SNTG1: variants seen among roughly 807,000 people sequenced by gnomAD.
The protein encoded by SNTG1 is syntrophin gamma 1, also known as gamma-1-syntrophin.
A neutral mutation model predicts 74.7 loss-of-function variants in SNTG1; 39 were observed. The ratio of observed to expected loss-of-function variants is 0.52; its 90% CI spans 0.40 to 0.68. The LOEUF (loss-of-function observed/expected upper bound fraction) is 0.68. SNTG1 is among the 30% of genes least tolerant of loss of function. The probability of loss-of-function intolerance (pLI) is 0.00; values close to 1 mark genes in which losing one functional copy is unlikely to be tolerated. For missense variants in SNTG1, 685 were observed against 609.5 expected (o/e 1.12, Z -1.30); for synonymous variants, 254 against 217.1 (o/e 1.17, Z -1.49).
intron 11 of SNTG1, among the ~76,000 whole-genome samples, chr8:50,547,565 A>G (rs2094397073): frequency 6.6e-6 from 1 of 152,096 alleles, no homozygotes; most frequent in South Asian, 2.1e-4. Flanking sequence ...AGTTTATTAT[A>G]ACACACTTAT....
chr8:49,977,787 G>C (rs919316302), intron 1 of SNTG1, among the ~76,000 whole-genome samples: 1 of 152,176 alleles, frequency 6.6e-6, no homozygotes, highest in Admixed American at 6.5e-5. Context: ...ATGGAAAGGC[G>C]AAGGCTTCAT....
At chr8:50,450,805 A>G (rs571689465) in intron 8 of SNTG1, 76 bp downstream of exon 8, 12 of 1,387,192 alleles carry the variant, frequency 8.7e-6, no homozygotes, top group Non-Finnish European at 1.2e-5. Flanking sequence ...AAAGACTGTC[A>G]CTTCATTCAT....
chr8:50,222,868 G>C (rs2085140472), intron 2 of SNTG1, among the ~76,000 whole-genome samples: 1 of 152,032 alleles, frequency 6.6e-6, no homozygotes, highest in Non-Finnish European at 1.5e-5. Flanking sequence ...ACCATCTGAG[G>C]CTTTAATTTA....
chr8:50,675,439 T>A (rs1357573315), intron 15 of SNTG1, among the ~76,000 whole-genome samples: 3 of 152,088 alleles, frequency 2.0e-5, no homozygotes, highest in African/African-American at 7.2e-5. Flanking sequence ...TTTTTAAATC[T>A]TTGTTGGTTT....
intron 2 of SNTG1, among the ~76,000 whole-genome samples, chr8:50,250,540 A>T (rs999573517): frequency 6.6e-6 from 1 of 152,176 alleles, no homozygotes; most frequent in African/African-American, 2.4e-5. Context: ...AAGGTTAAAG[A>T]CAAAGAATTC....
At chr8:50,151,771 G>C (rs1216806795) in intron 1 of SNTG1, among the ~76,000 whole-genome samples, 1 of 152,192 alleles carries the variant, frequency 6.6e-6, no homozygotes, top group Non-Finnish European at 1.5e-5. Flanking sequence ...TGTGGTCTGA[G>C]GGAGAGCTTG....
intron 1 of SNTG1, among the ~76,000 whole-genome samples, chr8:49,936,288 T>G (rs140947942): frequency 2.4e-4 from 36 of 152,328 alleles, no homozygotes; most frequent in Non-Finnish European, 4.3e-4. Flanking sequence ...TTTTCCTTTT[T>G]TTTAATGTGG....
At chr8:50,126,513 A>T (rs2081144051) in intron 1 of SNTG1, among the ~76,000 whole-genome samples, 1 of 152,114 alleles carries the variant, frequency 6.6e-6, no homozygotes, top group Non-Finnish European at 1.5e-5. Flanking sequence ...TGAAAAAAAG[A>T]TATGCATAAA....
At chr8:50,049,245 A>C (rs1048187990) in intron 1 of SNTG1, among the ~76,000 whole-genome samples, 1 of 152,154 alleles carries the variant, frequency 6.6e-6, no homozygotes, top group South Asian at 2.1e-4. Flanking sequence ...CAAGGAAACA[A>C]GATCCAACTG....
At chr8:50,147,676 C>T (rs2081920002) in intron 1 of SNTG1, among the ~76,000 whole-genome samples, 1 of 152,058 alleles carries the variant, frequency 6.6e-6, no homozygotes, top group African/African-American at 2.4e-5. Flanking sequence ...GCTCATAGTT[C>T]TGGATTACAT....
At chr8:50,257,256 T>C (rs964042541) in intron 2 of SNTG1, among the ~76,000 whole-genome samples, 1 of 152,136 alleles carries the variant, frequency 6.6e-6, no homozygotes, top group African/African-American at 2.4e-5. Context: ...TACTGGACCC[T>C]ATTGTCCAAA....
At chr8:50,790,038 G>A (rs1250988302) in intron 18 of SNTG1, among the ~76,000 whole-genome samples, 1 of 151,886 alleles carries the variant, frequency 6.6e-6, no homozygotes, top group African/African-American at 2.4e-5. Flanking sequence ...CATGGAAATG[G>A]CTCACTCCAT....
At chr8:50,245,699 A>C (rs2086368020) in intron 2 of SNTG1, among the ~76,000 whole-genome samples, 1 of 152,106 alleles carries the variant, frequency 6.6e-6, no homozygotes, top group African/African-American at 2.4e-5. Context: ...ACAAACAGAC[A>C]AAAGAAAACA....
intron 12 of SNTG1, among the ~76,000 whole-genome samples, chr8:50,569,729 C>A (rs2094536494): frequency 6.6e-6 from 1 of 152,118 alleles, no homozygotes; most frequent in Non-Finnish European, 1.5e-5. Context: ...CTGAAGCTGA[C>A]ATTTTCTTCC....
chr8:50,735,070 C>T (rs925750377), intron 17 of SNTG1, among the ~76,000 whole-genome samples: 1 of 150,782 alleles, frequency 6.6e-6, no homozygotes, highest in African/African-American at 2.4e-5. Flanking sequence ...ATTTACACCA[C>T]TGTATAATCA....
At chr8:50,102,297 C>T (rs1391952439) in intron 1 of SNTG1, among the ~76,000 whole-genome samples, 1 of 151,840 alleles carries the variant, frequency 6.6e-6, no homozygotes, top group African/African-American at 2.4e-5. Flanking sequence ...ATTTGCATTT[C>T]TCTGATGGCC....
chr8:50,743,901 G>A (rs1247082163), intron 17 of SNTG1, among the ~76,000 whole-genome samples: 1 of 151,892 alleles, frequency 6.6e-6, no homozygotes, highest in East Asian at 1.9e-4. Context: ...GAAGTCTCAG[G>A]GAGTTTTTAG....
chr8:50,132,844 G>T (rs895491662), intron 1 of SNTG1, among the ~76,000 whole-genome samples: 1 of 152,066 alleles, frequency 6.6e-6, no homozygotes, highest in Non-Finnish European at 1.5e-5. Flanking sequence ...GACAAGAATT[G>T]TCCCCCACAG....
intron 15 of SNTG1, among the ~76,000 whole-genome samples, chr8:50,693,106 C>T (rs113562006): frequency 0.022 from 3,328 of 152,244 alleles, 102 homozygotes; most frequent in African/African-American, 0.071. Flanking sequence ...ATTGGAAAAG[C>T]GCAGTATTAG....
Sources: allele counts gnomAD v4.1 joint callset (sites outside exome capture counted in the v4.1 genomes callset), GRCh38; gene constraint gnomAD v4.1.1; transcripts MANE v1.5; gene names NCBI Gene and HGNC (gene_info 2026-07-23, HGNC 2026-07-21).